The following RBMS3 variants were observed in gnomAD, a reference collection of about 807,000 sequenced individuals.
RBMS3 encodes the protein RNA-binding motif, single-stranded-interacting protein 3.
Under a neutral mutation model 66.8 loss-of-function variants are expected in RBMS3, and 27 were observed. The ratio of observed to expected loss-of-function variants is 0.40; its 90% CI spans 0.30 to 0.56. The LOEUF is 0.56. RBMS3 is among the 20% of genes least tolerant of loss of function. The pLI is 0.40. For missense variants in RBMS3, 513 were observed against 549.5 expected, an observed-to-expected ratio of 0.93 and a Z score of 0.66; for synonymous variants, 188 against 183.0, an observed-to-expected ratio of 1.03 and a Z score of -0.22.
At chr3:29,465,113 G>A (rs1243691836) in intron 2 of RBMS3, among the ~76,000 whole-genome samples, 2 of 152,142 alleles carry the variant, frequency 1.3e-5, no homozygotes, top group East Asian at 3.8e-4. Flanking sequence ...TTCTCTGAAG[G>A]AATGTACAGT....
chr3:29,489,517 T>A (rs1259122059), intron 3 of RBMS3, among the ~76,000 whole-genome samples: 2 of 151,746 alleles, frequency 1.3e-5, no homozygotes, highest in Non-Finnish European at 1.5e-5. Flanking sequence ...AGAAACTAAT[T>A]CTAATATCCT....
intron 1 of RBMS3, among the ~76,000 whole-genome samples, chr3:29,377,856 A>G (rs796128216): frequency 9.2e-5 from 14 of 152,308 alleles, no homozygotes; most frequent in African/African-American, 3.1e-4. Flanking sequence ...TCATCTGCAA[A>G]AAAGTGATTG....
At chr3:29,448,329 A>G (rs1280320849) in intron 2 of RBMS3, among the ~76,000 whole-genome samples, 1 of 152,216 alleles carries the variant, frequency 6.6e-6, no homozygotes, top group Non-Finnish European at 1.5e-5. Context: ...ACTGATAATG[A>G]ATGACACCTC....
intron 1 of RBMS3, among the ~76,000 whole-genome samples, chr3:29,374,517 A>AC (rs1300798293): frequency 6.6e-6 from 1 of 152,202 alleles, no homozygotes; most frequent in Non-Finnish European, 1.5e-5. Context: ...TTTCACTTTC[A>AC]GTACAGTAGT....
intron 2 of RBMS3, among the ~76,000 whole-genome samples, chr3:29,469,863 A>G (rs999582458): frequency 1.3e-5 from 2 of 149,536 alleles, no homozygotes; most frequent in African/African-American, 4.9e-5. Context: ...TCATGTGTTA[A>G]TTTTTAATTT....
At chr3:29,374,285 G>T (rs1346763844) in intron 1 of RBMS3, among the ~76,000 whole-genome samples, 1 of 152,190 alleles carries the variant, frequency 6.6e-6, no homozygotes, top group African/African-American at 2.4e-5. Flanking sequence ...AGATGTAGAA[G>T]TTACTGGTTT....
chr3:29,762,377 C>A (rs1202293812), intron 5 of RBMS3, among the ~76,000 whole-genome samples: 1 of 152,158 alleles, frequency 6.6e-6, no homozygotes, highest in Non-Finnish European at 1.5e-5. Context: ...GCAAGCCATG[C>A]AAATAAAACA....
intron 5 of RBMS3, among the ~76,000 whole-genome samples, chr3:29,752,175 A>G (rs1576698440): frequency 6.6e-6 from 1 of 152,180 alleles, no homozygotes; most frequent in South Asian, 2.1e-4. Flanking sequence ...ATATAGTGGG[A>G]AGATAATCTT....
intron 6 of RBMS3, among the ~76,000 whole-genome samples, chr3:29,809,253 G>T (rs1028530160): frequency 1.3e-5 from 2 of 150,100 alleles, no homozygotes; most frequent in Admixed American, 1.3e-4. Flanking sequence ...TTATTTTGCT[G>T]TCCTTATTAT....
intron 2 of RBMS3, among the ~76,000 whole-genome samples, chr3:29,447,909 T>C (rs1429435821): frequency 6.6e-6 from 1 of 152,224 alleles, no homozygotes; most frequent in Non-Finnish European, 1.5e-5. Flanking sequence ...CATTGCAGCC[T>C]TCCACACATG....
intron 2 of RBMS3, among the ~76,000 whole-genome samples, chr3:29,478,943 T>TAGTC (rs894195561): frequency 2.0e-5 from 3 of 152,198 alleles, no homozygotes; most frequent in Admixed American, 2.0e-4. Context: ...TTTAAAGGAC[T>TAGTC]AGTCATGTCC....
At chr3:29,592,722 G>A (rs539913809) in intron 4 of RBMS3, among the ~76,000 whole-genome samples, 9 of 152,016 alleles carry the variant, frequency 5.9e-5, no homozygotes, top group East Asian at 5.8e-4. Context: ...TCTTTATTGC[G>A]GCACTATTCA....
chr3:29,826,124 G>A (rs10514682), intron 6 of RBMS3, among the ~76,000 whole-genome samples: 6,778 of 152,178 alleles, frequency 0.045, 235 homozygotes, highest in Admixed American at 0.084. Context: ...CTGATGGCAT[G>A]TATATCAATG....
At chr3:29,590,284 A>G (rs2047682485) in intron 4 of RBMS3, among the ~76,000 whole-genome samples, 1 of 152,086 alleles carries the variant, frequency 6.6e-6, no homozygotes, top group Non-Finnish European at 1.5e-5. Context: ...AATAACTCTT[A>G]GGTTAGAGAA....
intron 7 of RBMS3, 72 bp from the exon 8 acceptor site, chr3:29,884,090 T>C: frequency 1.7e-5 from 21 of 1,252,272 alleles, no homozygotes; most frequent in Non-Finnish European, 2.4e-5. Context: ...AGTCTTTGTG[T>C]GTACTAAATG....
rs764716415 is a variant in RBMS3 at position 30,007,390 on chromosome 3, T to C, written c.*3528T>C. ...TCCACCAGATTTTCAAGCATTTATT[T>C]GGATGTTTCCATTTTTCCTTTTGAC... On this transcript the variant is annotated 3_prime_UTR_variant, in exon 15 of 15. Coordinates refer to ENST00000383767, the MANE Select transcript of RBMS3 (RefSeq NM_001003793.3). 1.3e-5 allele frequency: 2 copies of C among 152,108 alleles called. No homozygotes were observed. The highest frequency in any genetic ancestry group is 2.9e-5 in the Non-Finnish European group (2 of 67,956). 9.4% of individuals were successfully genotyped at this position (152,108 alleles called of 1,614,324 possible). A position where few individuals can be genotyped will look rare whatever the true frequency, so the allele number is the denominator to read the frequency against.
At chr3:29,395,190 C>T (rs1382350268) in intron 1 of RBMS3, among the ~76,000 whole-genome samples, 1 of 152,196 alleles carries the variant, frequency 6.6e-6, no homozygotes, top group Non-Finnish European at 1.5e-5. Context: ...TATCCCTCTC[C>T]TCTCCATTGC....
At chr3:29,466,282 C>T (rs1440981412) in intron 2 of RBMS3, among the ~76,000 whole-genome samples, 1 of 151,954 alleles carries the variant, frequency 6.6e-6, no homozygotes, top group East Asian at 1.9e-4. Context: ...AAGCACATAC[C>T]TGGAAGTTGG....
intron 5 of RBMS3, among the ~76,000 whole-genome samples, chr3:29,755,311 A>C (rs2055361429): frequency 6.6e-6 from 1 of 152,206 alleles, no homozygotes; most frequent in East Asian, 1.9e-4. Context: ...TGAAAGAAGT[A>C]GTTTCTAGAT....
Sources: gnomAD v4.1 joint callset for allele counts (sites outside exome capture counted in the v4.1 genomes callset) on GRCh38, gnomAD v4.1.1 for gene constraint, MANE v1.5 for transcripts, NCBI Gene and HGNC (gene_info 2026-07-23, HGNC 2026-07-21) for gene names.